CDCA3: variants seen among roughly 807,000 people sequenced by gnomAD.
CDCA3 encodes the protein cell division cycle-associated protein 3.
In CDCA3, 16 loss-of-function variants were observed where a neutral mutation model predicts 29.1. That is an observed-to-expected ratio of 0.55 (90% CI 0.37 to 0.83). The LOEUF is 0.83. Ranked by LOEUF, CDCA3 falls within the 40% of genes least tolerant of loss-of-function variation. CDCA3 has a pLI of 0.00. For synonymous variants in CDCA3, 88 were observed against 124.5 expected, an observed-to-expected ratio of 0.71 and a Z score of 1.95; for missense variants, 291 against 327.2, an observed-to-expected ratio of 0.89 and a Z score of 0.85.
downstream of CDCA3, chr12:6,848,230 T>C (rs1311602130): frequency 6.6e-6 from 1 of 152,292 alleles, no homozygotes; most frequent in African/African-American, 2.4e-5. Context: ...CTCATGCCTA[T>C]AATCCCAGCT....
downstream of CDCA3, chr12:6,845,649 C>A: frequency 3.1e-6 from 5 of 1,613,984 alleles, no homozygotes; most frequent in Non-Finnish European, 3.4e-6. Flanking sequence ...CTTGTTTGAC[C>A]TGCGGGCAGA....
At position 6,849,348 on chromosome 12, in the gene CDCA3, G is replaced by A. The variant is rs895108356; in HGVS notation, c.626C>T (p.Ser209Phe). 1.2e-6 allele frequency: 2 copies of A among 1,603,854 alleles called. No homozygotes were observed. Among genetic ancestry groups the A allele is most frequent in the Admixed American group, 3.4e-5 (2 of 58,544 alleles). Residue 209 changes from serine (S) to phenylalanine (F), a missense_variant, in exon 5 of 6, where the codon TCC becomes TTC. By Grantham distance (155) the Ser-to-Phe change is radical. Transcript: ENST00000538862. This position sits in a 1 kb window ranked among gnomAD's most constrained non-coding sequence, Gnocchi z 5.2. ...CTGTCGTAGTGTCAGGGTGCCAGGGGAGTTGTCATCCTGCAGGATGGTGAG... is the reference window on the plus strand; with the variant it reads ...CTGTCGTAGTGTCAGGGTGCCAGGGAAGTTGTCATCCTGCAGGATGGTGAG... ...SPLTILQDDN[S>F]PGTLTLRQGK...
Position 6,848,992 on chromosome 12 carries a change from C to T in CDCA3, c.*51G>A, listed in dbSNP as rs782761210. 5 of 765,036 alleles carry T rather than the reference C, an allele frequency of 6.5e-6. 1 individual carries two copies. In the South Asian group the frequency reaches 7.0e-5, roughly 11 times the overall value. The allele number at this position is 765,036 out of a possible 1,614,324, so 47.4% of individuals were successfully genotyped here. Reference sequence around the variant, plus strand: ...CCCTGGGAAAGAAGGGGTGAGAGGACACAGATATCACCAGGCCCTGGGTGA... The same window carrying T: ...CCCTGGGAAAGAAGGGGTGAGAGGATACAGATATCACCAGGCCCTGGGTGA... On this transcript the variant is annotated 3_prime_UTR_variant, in exon 6 of 6. Transcript: ENST00000538862.
At chr12:6,846,016 C>T, downstream of CDCA3, 1 of 569,252 alleles carries the variant, frequency 1.8e-6, no homozygotes, top group Non-Finnish European at 3.2e-6. Flanking sequence ...CTCCACTGCC[C>T]AATGCCATGA....
At position 6,849,378 on chromosome 12, in the gene CDCA3, G is replaced by C; in HGVS notation, c.596C>G (p.Ser199Cys). The change falls in exon 5 of 6, where the codon TCC becomes TGC. Residue 199 changes from serine to cysteine, a missense_variant. Ser to Cys is a moderately radical substitution (Grantham distance 112, BLOSUM62 -1). Coordinates refer to ENST00000538862, the MANE Select transcript of CDCA3 (RefSeq NM_031299.7). This position sits in a 1 kb window ranked among gnomAD's most constrained non-coding sequence, Gnocchi z 5.2. ...GTCATCCTGCAGGATGGTGAGGGGG[G>C]ATCTCCCTAGTACCTTGCTGCTGTT... Reference protein sequence around the residue: ...KPNSSKVLGRSPLTILQDDNS... With the variant: ...KPNSSKVLGRCPLTILQDDNS... The C allele has an allele frequency of 6.2e-7, 1 of 1,606,462 alleles. No individual in the cohort carries two copies. Among genetic ancestry groups the C allele is most frequent in the East Asian group, 2.2e-5 (1 of 44,790 alleles).
intron 1 of CDCA3, 32 bp from the exon 2 acceptor site, chr12:6,851,041 T>G: frequency 6.7e-7 from 1 of 1,490,416 alleles, no homozygotes; most frequent in Non-Finnish European, 8.9e-7. Context: ...TCAGCCCTTA[T>G]CTCTTCCACG....
rs1943769060 is a variant in CDCA3 at position 6,849,141 on chromosome 12, G to T, written c.709C>A (p.Leu237Ile). ...NVSELKEGAI[L>I]GTGRLLKTGG... is the part of the protein sequence containing the mutation. Reference sequence around the variant, plus strand: ...GTTTTCAGAAGTCGTCCAGTTCCAAGAATGGCTCCTTCCTTTAGTTCACTA... The same window carrying T: ...GTTTTCAGAAGTCGTCCAGTTCCAATAATGGCTCCTTCCTTTAGTTCACTA... The change falls in exon 6 of 6, where the codon CTT becomes ATT. Residue 237 changes from leucine to isoleucine, a missense_variant. By Grantham distance (5) the Leu-to-Ile change is conservative (BLOSUM62 2). Transcript: ENST00000538862. The surrounding 1 kb of genome is among the most constrained non-coding windows in gnomAD (Gnocchi z 5.2). 1 of 1,611,612 alleles carries T rather than the reference G, an allele frequency of 6.2e-7. No homozygotes were observed. The highest frequency in any genetic ancestry group is 8.5e-7 in the Non-Finnish European group (1 of 1,177,668).
intron 1 of CDCA3, 50 bp from the exon 2 acceptor site, chr12:6,851,059 T>C (rs1011942873): frequency 1.4e-6 from 2 of 1,454,722 alleles, no homozygotes; most frequent in Non-Finnish European, 9.0e-7. Context: ...ACGTCGGACC[T>C]TCAACCCTAA....
Position 6,851,258 on chromosome 12 carries a change from G to A in CDCA3, c.-94C>T, listed in dbSNP as rs1398153719. The A allele has an allele frequency of 8.7e-7, 1 of 1,151,310 alleles. No individual in the cohort carries two copies. The highest frequency in any genetic ancestry group is 1.1e-6 in the Non-Finnish European group (1 of 932,024). 71.3% of individuals were successfully genotyped at this position (1,151,310 alleles called of 1,614,324 possible). On this transcript the variant is annotated 5_prime_UTR_variant, in exon 1 of 6. In the 5' UTR this introduces an upstream ATG that the reference lacks. Transcript: ENST00000538862. ...TCCACCTCTGGATGCACAACAGCTC[G>A]TGGCTCAACTCCCGAAGTTACCAGT...
chr12:6,845,953 C>T (rs897165438), downstream of CDCA3: 1 of 634,534 alleles, frequency 1.6e-6, no homozygotes. Flanking sequence ...ATCCAGTACC[C>T]CTTGGTTCCC....
downstream of CDCA3, chr12:6,847,078 G>C (rs1943721118): frequency 3.4e-6 from 2 of 580,016 alleles, no homozygotes; most frequent in Non-Finnish European, 6.2e-6. Context: ...GGACACAGGG[G>C]CAAAGAACTG....
rs782671696 is a variant in CDCA3 at position 6,849,032 on chromosome 12, C to A, written c.*11G>T. 1 of 861,420 alleles carries A rather than the reference C, an allele frequency of 1.2e-6. No individual in the cohort carries two copies. Among genetic ancestry groups the A allele is most frequent in the South Asian group, 1.3e-5 (1 of 76,048 alleles). The allele number at this position is 861,420 out of a possible 1,614,324, so 53.4% of individuals were successfully genotyped here. A position where few individuals can be genotyped will look rare whatever the true frequency, so the allele number is the denominator to read the frequency against. On this transcript the variant is annotated 3_prime_UTR_variant, in exon 6 of 6. Transcript: ENST00000538862. The surrounding 1 kb of genome is among the most constrained non-coding windows in gnomAD (Gnocchi z 5.2). The stretch of plus-strand genomic sequence containing the variant: ...GCCCTGGGTGACTGCATTGCTGGGG[C>A]CATGCAGGGCCTAGCTCTCCACCAA...
chr12:6,849,732 A>G lies in CDCA3; in HGVS notation c.377T>C (p.Leu126Pro). ...APLSSELDLP[L>P]GTQLSVEEQM... ...TTCCTCAACAGATAACTGGGTACCC[A>G]GAGGCAAGTCCAATTCAGAAGATAA... The change falls in exon 4 of 6, where the codon CTG becomes CCG. Residue 126 changes from leucine (L) to proline (P), a missense_variant. Physicochemically the swap from Leu to Pro is moderately conservative, Grantham distance 98. Coordinates refer to ENST00000538862, the MANE Select transcript of CDCA3 (RefSeq NM_031299.7). This position sits in a 1 kb window ranked among gnomAD's most constrained non-coding sequence, Gnocchi z 5.2. 1 of 1,614,094 alleles carries G rather than the reference A, an allele frequency of 6.2e-7. No homozygotes were observed. The highest frequency in any genetic ancestry group is 8.5e-7 in the Non-Finnish European group (1 of 1,179,968).
rs1260771245 is a variant in CDCA3, at chr12:6,849,489, C to T, written c.545-60G>A. ...AACTAGGACTTACAGTTTATTCCTC[C>T]CACACTCACCCATGGACCTTATCCC... On this transcript the variant is annotated intron_variant, in intron 4 of 5. Transcript: ENST00000538862. This position sits in a 1 kb window ranked among gnomAD's most constrained non-coding sequence, Gnocchi z 5.2. 1.9e-6 allele frequency: 3 copies of T among 1,556,090 alleles called. No homozygotes were observed. In the East Asian group the frequency reaches 6.8e-5, roughly 35 times the overall value.
downstream of CDCA3, chr12:6,846,935 C>A: frequency 8.5e-7 from 1 of 1,177,528 alleles, no homozygotes; most frequent in Non-Finnish European, 1.2e-6. Context: ...GCAGTGAACA[C>A]ACTCAGCAGC....
At chr12:6,845,711 C>T (rs5443), downstream of CDCA3, 543,102 of 1,613,364 alleles carry the variant, frequency 0.34, 100,362 homozygotes, top group African/African-American at 0.75. Context: ...GCATCACGTC[C>T]GTGGCCTTCT....
At chr12:6,846,825 G>A (rs370575055), downstream of CDCA3, 1 of 1,600,940 alleles carries the variant, frequency 6.2e-7, no homozygotes, top group African/African-American at 1.3e-5. Context: ...AGGGTGAGCT[G>A]CCTGGGAGTC....
In CDCA3 at chr12:6,850,762, C is replaced by G; in HGVS notation, c.120+71G>C. Reference sequence around the variant, plus strand: ...ATAAGGGTGGGGTCATGACGGCTCTCTCAAAATCAGGTTAGGAAGAGACCC... The same window carrying G: ...ATAAGGGTGGGGTCATGACGGCTCTGTCAAAATCAGGTTAGGAAGAGACCC... On this transcript the variant is annotated intron_variant, in intron 2 of 5. Transcript: ENST00000538862. The surrounding 1 kb of genome is among the most constrained non-coding windows in gnomAD (Gnocchi z 4.7). 1.9e-6 allele frequency: 3 copies of G among 1,589,752 alleles called. No individual in the cohort carries two copies. The highest frequency in any genetic ancestry group is 2.6e-6 in the Non-Finnish European group (3 of 1,165,194).
At chr12:6,851,132 G>A (rs962192165) in intron 1 of CDCA3, 90 bp downstream of exon 1, 1 of 1,399,896 alleles carries the variant, frequency 7.1e-7, no homozygotes, top group Non-Finnish European at 9.3e-7. Flanking sequence ...AGGCCTCTGC[G>A]GAGTTAATGA....
Sources: gnomAD v4.1 joint callset for allele counts on GRCh38, gnomAD v4.1.1 for gene constraint, Gnocchi (gnomAD v3.1) non-coding constraint, MANE v1.5 for transcripts, NCBI Gene and HGNC (gene_info 2026-07-23, HGNC 2026-07-21) for gene names.